PPRC1: variants seen among roughly 807,000 people sequenced by gnomAD.
PPRC1 encodes the protein peroxisome proliferator-activated receptor gamma coactivator-related protein 1.
A neutral mutation model predicts 132.5 loss-of-function variants in PPRC1; 23 were observed. That is an observed-to-expected ratio of 0.17 (90% CI 0.12 to 0.25). PPRC1 has a LOEUF of 0.25. Among genes scored for constraint, PPRC1 ranks in the 10% least tolerant of loss-of-function variants. The probability of loss-of-function intolerance (pLI) is 1.00; values close to 1 mark genes in which losing one functional copy is unlikely to be tolerated. For missense variants in PPRC1, 2,006 were observed against 2,089.1 expected, an observed-to-expected ratio of 0.96 and a Z score of 0.78; for synonymous variants, 872 against 833.5, an observed-to-expected ratio of 1.05 and a Z score of -0.80.
chr10:102,138,687 T>C lies in PPRC1; in HGVS notation c.411T>C (p.Asn137=). ...LLTALTEILD[N]ADSENLSPFD... The stretch of plus-strand genomic sequence containing the variant: ...CGGCTCTGACGGAGATCTTGGACAA[T>C]GCAGATTCTGAGAACCTTTCTCCAT... Residue 137 remains asparagine (N), a synonymous_variant, in exon 3 of 14, where the codon AAT becomes AAC. Coordinates refer to ENST00000278070, the MANE Select transcript of PPRC1 (RefSeq NM_015062.5). 2 of 1,614,162 alleles carry C rather than the reference T, an allele frequency of 1.2e-6. No individual in the cohort carries two copies. The highest frequency in any genetic ancestry group is 2.2e-5 in the South Asian group (2 of 91,080).
chr10:102,144,302 C>T lies in PPRC1; in HGVS notation c.3603C>T (p.Asn1201=). 1 of 1,613,960 alleles carries T rather than the reference C, an allele frequency of 6.2e-7. No homozygotes were observed. The highest frequency in any genetic ancestry group is 8.5e-7 in the Non-Finnish European group (1 of 1,179,994). ...CTGCTGACAGCTTGGCTGTAGGAAACTCAGGGTAAGTATGGAGACATGAGC... is the reference window on the plus strand; with the variant it reads ...CTGCTGACAGCTTGGCTGTAGGAAATTCAGGGTAAGTATGGAGACATGAGC... ...PAPADSLAVG[N]SGGVDIPQEK... The change falls in exon 7 of 14, where the codon AAC becomes AAT. Residue 1201 remains asparagine, a synonymous_variant. Transcript: ENST00000278070.
chr10:102,124,753 C>T, the PPRC1 span, among the ~76,000 whole-genome samples: 1 of 151,714 alleles, frequency 6.6e-6, no homozygotes, highest in African/African-American at 2.4e-5. Context: ...AGCAGTTCTC[C>T]TGCCTCAGCC....
At position 102,140,396 on chromosome 10, in the gene PPRC1, G is replaced by A. The variant is rs956470748; in HGVS notation, c.1888G>A (p.Val630Met). The A allele has an allele frequency of 6.2e-7, 1 of 1,614,174 alleles. No individual in the cohort carries two copies. The highest frequency in any genetic ancestry group is 8.5e-7 in the Non-Finnish European group (1 of 1,180,036). ...ELVEPLPAEP[V>M]LINPVLADSA... The stretch of plus-strand genomic sequence containing the variant: ...GGTTGAGCCTCTCCCGGCTGAGCCA[G>A]TGCTGATCAACCCAGTCCTGGCTGA... The change falls in exon 5 of 14, where the codon GTG becomes ATG. Residue 630 changes from valine (V) to methionine (M), a missense_variant. By Grantham distance (21) the Val-to-Met change is conservative (BLOSUM62 1). Coordinates refer to ENST00000278070, the MANE Select transcript of PPRC1 (RefSeq NM_015062.5).
At position 102,133,122 on chromosome 10, in the gene PPRC1, C is replaced by T. The variant is rs2068581893; in HGVS notation, c.54C>T (p.Gly18=). The change falls in exon 1 of 14, where the codon GGC becomes GGT. Residue 18 remains glycine, a synonymous_variant. Coordinates refer to ENST00000278070, the MANE Select transcript of PPRC1 (RefSeq NM_015062.5). Reference sequence around the variant, plus strand: ...GAGTCGCGCCGCCCCCGAGTGGGGGCCCCGGTCCGGACCCTGGCGGGGGAG... The same window carrying T: ...GAGTCGCGCCGCCCCCGAGTGGGGGTCCCGGTCCGGACCCTGGCGGGGGAG... ...RDGVAPPPSG[G]PGPDPGGGAR... is the part of the protein sequence containing the mutation. The T allele has an allele frequency of 1.1e-5, 14 of 1,247,444 alleles. No homozygotes were observed. The highest frequency in any genetic ancestry group is 6.2e-5 in the African/African-American group (4 of 64,666). 77.3% of individuals were successfully genotyped at this position (1,247,444 alleles called of 1,614,324 possible).
intron 4 of PPRC1, 43 bp from the exon 5 acceptor site, chr10:102,139,057 T>C: frequency 1.2e-6 from 2 of 1,606,294 alleles, no homozygotes; most frequent in East Asian, 2.2e-5. Flanking sequence ...GAAAATACTT[T>C]CCCAAAGAAA....
At position 102,140,074 on chromosome 10, in the gene PPRC1, G is replaced by A. The variant is rs574935680; in HGVS notation, c.1566G>A (p.Arg522=). 4.3e-6 allele frequency: 7 copies of A among 1,614,224 alleles called. No homozygotes were observed. In the African/African-American group the frequency reaches 6.7e-5, roughly 15 times the overall value. Residue 522 remains arginine, a synonymous_variant, in exon 5 of 14, where the codon CGG becomes CGA. Transcript: ENST00000278070. The part of the protein sequence containing the change: ...SGPLQGKGKP[R]AWARAWAAAL... Reference sequence around the variant, plus strand: ...CTCTCCAGGGTAAGGGGAAGCCCCGGGCTTGGGCTCGGGCCTGGGCAGCTG... The same window carrying A: ...CTCTCCAGGGTAAGGGGAAGCCCCGAGCTTGGGCTCGGGCCTGGGCAGCTG...
chr10:102,140,511 T>G lies in PPRC1; in HGVS notation c.2003T>G (p.Leu668Arg), dbSNP rs2068916972. 2 of 1,614,018 alleles carry G rather than the reference T, an allele frequency of 1.2e-6. No individual in the cohort carries two copies. The highest frequency in any genetic ancestry group is 1.3e-5 in the African/African-American group (1 of 74,910). Residue 668 changes from leucine to arginine, a missense_variant, in exon 5 of 14, where the codon CTA becomes CGA. Leu to Arg is a moderately radical substitution (Grantham distance 102, BLOSUM62 -2). Transcript: ENST00000278070. ...CCGTCTGGCCCAGCACCAGTTGATC[T>G]AGCACTGGTTGACCCTGTTCCTAAT... ...AVPSGPAPVDLALVDPVPNDL... is the reference protein window; with the variant it reads ...AVPSGPAPVDRALVDPVPNDL...
intron 6 of PPRC1, among the ~76,000 whole-genome samples, chr10:102,143,483 C>G (rs965387978): frequency 6.6e-6 from 1 of 151,550 alleles, no homozygotes; most frequent in Non-Finnish European, 1.5e-5. Context: ...CCTGTAATCC[C>G]AGTTACTCGG....
chr10:102,131,311 A>G (rs929727821), upstream of PPRC1, among the ~76,000 whole-genome samples: 5 of 151,854 alleles, frequency 3.3e-5, no homozygotes, highest in Non-Finnish European at 5.9e-5. Context: ...GAGCTATGCT[A>G]TGATCTGCCA....
chr10:102,145,145 TGA>T, intron 8 of PPRC1, 55 bp downstream of exon 8: 1 of 1,498,384 alleles, frequency 6.7e-7, no homozygotes, highest in Non-Finnish European at 9.3e-7. Flanking sequence ...CAACACTTGC[TGA>T]GCCTACTCCA....
At chr10:102,125,865 T>C in the PPRC1 span, among the ~76,000 whole-genome samples, 1 of 119,432 alleles carries the variant, frequency 8.4e-6, no homozygotes, top group Non-Finnish European at 1.8e-5. Context: ...CTTTCTTTTC[T>C]TTTTTTTTTT....
At chr10:102,134,183 G>C (rs951880842) in intron 1 of PPRC1, among the ~76,000 whole-genome samples, 1 of 152,084 alleles carries the variant, frequency 6.6e-6, no homozygotes, top group Admixed American at 6.5e-5. Flanking sequence ...AAAGGGAAAG[G>C]GAATCCTCTC....
At chr10:102,132,404 T>G (rs2068559159), upstream of PPRC1, among the ~76,000 whole-genome samples, 1 of 152,222 alleles carries the variant, frequency 6.6e-6, no homozygotes, top group African/African-American at 2.4e-5. Context: ...ATGAAATGTT[T>G]TGAGGTTCAA....
chr10:102,141,570 C>G lies in PPRC1; in HGVS notation c.3062C>G (p.Thr1021Ser), dbSNP rs778149773. 2.5e-6 allele frequency: 4 copies of G among 1,614,138 alleles called. No individual in the cohort carries two copies. The highest frequency in any genetic ancestry group is 2.5e-6 in the Non-Finnish European group (3 of 1,180,018). The change falls in exon 5 of 14, where the codon ACT (threonine) becomes AGT (serine). Residue 1021 changes from threonine to serine, a missense_variant. Around this residue, in one of 2 missense-constraint regions of PPRC1, gnomAD observed 1,914 missense variants for 1,917.2 expected, o/e 1.00. Transcript: ENST00000278070. ...CAACCTAAAATGGAGTCTAGGGGCA[C>G]TCCAGCTGGCCCTCCTGAAAATGTA... ...VPQPKMESRGTPAGPPENVLP... is the reference protein window; with the variant it reads ...VPQPKMESRGSPAGPPENVLP...
the PPRC1 span, chr10:102,120,374 TGTGTGCGTGTGTGCGCGTGTGC>T: frequency 2.0e-6 from 2 of 983,576 alleles, no homozygotes; most frequent in Non-Finnish European, 2.4e-6. Flanking sequence ...TGTGTGTCCG[TGTGTGCGTGTGTGCGCGTGTGC>T]GTGTGCGTGT....
Position 102,141,627 on chromosome 10 carries a change from T to C in PPRC1, c.3119T>C (p.Leu1040Pro). 4.3e-6 allele frequency: 7 copies of C among 1,614,202 alleles called. No homozygotes were observed. The highest frequency in any genetic ancestry group is 5.9e-6 in the Non-Finnish European group (7 of 1,180,028). ...LPLSMAPPLS[L>P]GLPGHGAPQT... is the part of the protein sequence containing the mutation. Reference sequence around the variant, plus strand: ...TTGTCGATGGCTCCTCCCCTCAGTCTTGGGCTACCTGGCCATGGAGCTCCT... The same window carrying C: ...TTGTCGATGGCTCCTCCCCTCAGTCCTGGGCTACCTGGCCATGGAGCTCCT... Residue 1040 changes from leucine to proline, a missense_variant, in exon 5 of 14, where the codon CTT becomes CCT. Transcript: ENST00000278070.
At chr10:102,120,763 T>C in the PPRC1 span, among the ~76,000 whole-genome samples, 1 of 151,848 alleles carries the variant, frequency 6.6e-6, no homozygotes, top group African/African-American at 2.4e-5. Context: ...GTCCTCCGGG[T>C]GCCGCCGGAT....
At chr10:102,121,308 C>T in the PPRC1 span, among the ~76,000 whole-genome samples, 1 of 152,174 alleles carries the variant, frequency 6.6e-6, no homozygotes, top group African/African-American at 2.4e-5. Flanking sequence ...ACCCCACCGC[C>T]TCCGACCCCC....
intron 1 of PPRC1, among the ~76,000 whole-genome samples, chr10:102,135,658 C>T (rs1294945111): frequency 2.6e-5 from 4 of 152,170 alleles, no homozygotes; most frequent in African/African-American, 4.8e-5. Flanking sequence ...GGATTACAGG[C>T]GTGAGCCACC....
Sources: allele counts gnomAD v4.1 joint callset (sites outside exome capture counted in the v4.1 genomes callset), GRCh38; gene constraint gnomAD v4.1.1; regional missense constraint gnomAD v4.1.1; transcripts MANE v1.5; gene names NCBI Gene and HGNC (gene_info 2026-07-23, HGNC 2026-07-21).